The following ATP2B3 variants were observed in gnomAD, a reference collection of about 807,000 sequenced individuals.
ATP2B3 encodes the protein ATPase plasma membrane Ca2+ transporting 3.
ATP2B3 carries 12 observed loss-of-function variants against 70.8 expected under a neutral mutation model. That is an observed-to-expected ratio of 0.17 (90% confidence interval 0.11 to 0.27). ATP2B3 has a LOEUF of 0.27. ATP2B3 is among the 10% of genes least tolerant of loss of function. The pLI is 1.00. For synonymous variants in ATP2B3, 460 were observed against 497.8 expected, an observed-to-expected ratio of 0.92 and a Z score of 1.01; for missense variants, 858 against 1,118.5, an observed-to-expected ratio of 0.77 and a Z score of 3.32.
chrX:153,539,856 C>T (rs1393790097), intron 3 of ATP2B3, among the ~76,000 whole-genome samples: 1 of 112,971 alleles, frequency 8.9e-6, no homozygotes, highest in Non-Finnish European at 1.9e-5. Flanking sequence ...ATGCCAGTCA[C>T]GCACGTAAGC....
intron 2 of ATP2B3, among the ~76,000 whole-genome samples, chrX:153,535,105 G>A (rs1286992464): frequency 2.7e-5 from 3 of 112,950 alleles, no homozygotes; most frequent in Admixed American, 9.3e-5. Context: ...GGGAAGGAGC[G>A]GAGAGAGAGG....
At chrX:153,560,612 C>T (rs1557015823) in intron 18 of ATP2B3, 64 bp from the exon 19 acceptor site, 5 of 1,134,259 alleles carry the variant, frequency 4.4e-6, no homozygotes, top group Middle Eastern at 2.7e-4. Flanking sequence ...ACCGAAGTCT[C>T]GCTCCTGAGT....
At chrX:153,558,663 A>G (rs1430710686) in intron 17 of ATP2B3, among the ~76,000 whole-genome samples, 4 of 112,007 alleles carry the variant, frequency 3.6e-5, no homozygotes. Flanking sequence ...TTTCATTCCT[A>G]TGGGATCAAA....
chrX:153,553,227 C>T lies in ATP2B3; in HGVS notation c.2016C>T (p.Thr672=). Reference sequence around the variant, plus strand: ...AGAATGAGGTCGTGGGTGACCTCACCTGCATAGCTGTCGTGGGCATTGAGG... The same window carrying T: ...AGAATGAGGTCGTGGGTGACCTCACTTGCATAGCTGTCGTGGGCATTGAGG... ...DNENEVVGDL[T]CIAVVGIEDP... Residue 672 remains threonine, a synonymous_variant, in exon 13 of 22, where the codon ACC becomes ACT. Coordinates refer to ENST00000263519, the MANE Select transcript of ATP2B3 (RefSeq NM_001001344.3). 8.3e-7 allele frequency: 1 copy of T among 1,209,512 alleles called. No homozygotes were observed. The highest frequency in any genetic ancestry group is 1.1e-6 in the Non-Finnish European group (1 of 893,700).
At chrX:153,535,360 G>A (rs1426655692) in intron 2 of ATP2B3, among the ~76,000 whole-genome samples, 6 of 111,519 alleles carry the variant, frequency 5.4e-5, no homozygotes, top group Admixed American at 2.8e-4. Context: ...GGGCTGGGAC[G>A]TTGGCAGACT....
intron 2 of ATP2B3, among the ~76,000 whole-genome samples, chrX:153,520,396 C>T (rs1375388814): frequency 8.9e-6 from 1 of 112,397 alleles, no homozygotes; most frequent in Non-Finnish European, 1.9e-5. Context: ...ACCTCCTCCC[C>T]CACCTCACAG....
intron 21 of ATP2B3, among the ~76,000 whole-genome samples, chrX:153,566,012 T>C (rs375060378): frequency 9.8e-5 from 11 of 112,025 alleles, no homozygotes; most frequent in African/African-American, 2.9e-4. Flanking sequence ...GGCCCTTGAG[T>C]GCTGAAAATC....
intron 8 of ATP2B3, among the ~76,000 whole-genome samples, chrX:153,546,859 G>A (rs948184320): frequency 7.1e-5 from 8 of 112,884 alleles, no homozygotes; most frequent in Non-Finnish European, 1.3e-4. Flanking sequence ...GGGACAGCCC[G>A]ATGGCTGCAG....
chrX:153,560,695 C>T lies in ATP2B3; in HGVS notation c.2859C>T (p.Ile953=), dbSNP rs782726805. 8.3e-6 allele frequency: 10 copies of T among 1,210,226 alleles called. No individual in the cohort carries two copies. The highest frequency in any genetic ancestry group is 2.2e-5 in the Admixed American group (1 of 45,869). Residue 953 remains isoleucine, a synonymous_variant, in exon 19 of 22, where the codon ATC becomes ATT. Transcript: ENST00000263519. The stretch of plus-strand genomic sequence containing the variant: ...TTCCAGGGGAGCTCTTCTTCGACAT[C>T]GACAGCGGGAGGAATGCGCCCCTGC... The part of the protein sequence containing the change: ...LLFVGELFFD[I]DSGRNAPLHS...
At chrX:153,546,601 C>T (rs936733150) in intron 8 of ATP2B3, among the ~76,000 whole-genome samples, 4 of 113,286 alleles carry the variant, frequency 3.5e-5, no homozygotes, top group African/African-American at 1.3e-4. Context: ...GGACAGCTGG[C>T]AGGTGCCGAC....
At chrX:153,560,930 A>G in intron 19 of ATP2B3, 43 bp downstream of exon 19, 2 of 1,198,424 alleles carry the variant, frequency 1.7e-6, no homozygotes, top group Non-Finnish European at 2.3e-6. Context: ...CACTTGCAAA[A>G]AGTGGAGGTG....
intron 2 of ATP2B3, among the ~76,000 whole-genome samples, chrX:153,534,607 G>A (rs934743514): frequency 1.1e-4 from 12 of 112,741 alleles, no homozygotes; most frequent in African/African-American, 3.5e-4. Context: ...AGCACATCAA[G>A]CCAGTGCCAG....
At chrX:153,568,576 C>T (rs900609237) in intron 21 of ATP2B3, among the ~76,000 whole-genome samples, 2 of 111,908 alleles carry the variant, frequency 1.8e-5, no homozygotes, top group Non-Finnish European at 3.8e-5. Context: ...TCCTCACGGT[C>T]GCAGCAAGTG....
At chrX:153,571,309 G>A (rs2090786337) in intron 21 of ATP2B3, among the ~76,000 whole-genome samples, 1 of 112,381 alleles carries the variant, frequency 8.9e-6, no homozygotes, top group Non-Finnish European at 1.9e-5. Context: ...GCAGCAGGGG[G>A]CATGGCTGTG....
At position 153,536,897 on chromosome X, in the gene ATP2B3, C is replaced by T. The variant is rs187079770; in HGVS notation, c.208+442C>T. The stretch of plus-strand genomic sequence containing the variant: ...GCAAGCCTTCGGAGTTTCGGGTGAC[C>T]GGGGCCTCTCCTGGGAAGAGAGAGG... On this transcript the variant is annotated intron_variant, in intron 3 of 21. Transcript: ENST00000263519. Among the ~76,000 whole-genome samples the T allele has an allele frequency of 1.1e-4, 12 of 112,015 alleles. No homozygotes were observed. The East Asian group carries it at 2.8e-3, about 26-fold the overall frequency.
chrX:153,534,768 G>A (rs782004875), intron 2 of ATP2B3, among the ~76,000 whole-genome samples: 2 of 113,273 alleles, frequency 1.8e-5, no homozygotes, highest in African/African-American at 3.2e-5. Context: ...GCAATGTGTC[G>A]CGAGAGTAAA....
chrX:153,566,031 G>A (rs1415645539), intron 21 of ATP2B3, among the ~76,000 whole-genome samples: 1 of 112,328 alleles, frequency 8.9e-6, no homozygotes, highest in Non-Finnish European at 1.9e-5. Context: ...TCCTGGCCGG[G>A]GAGGAAGAAA....
At position 153,580,152 on chromosome X, in the gene ATP2B3, G is replaced by GCCCCCCCCCCCCC; in HGVS notation, c.3524_3525insCCCCCCCCCCCCC (p.Ser1178ProfsTer119). 4 of 1,207,719 alleles carry GCCCCCCCCCCCCC rather than the reference G, an allele frequency of 3.3e-6. No homozygotes were observed. The highest frequency in any genetic ancestry group is 3.5e-5 in the South Asian group (2 of 56,724). ...GGACGAGAACGAGGAGCGCCTCCGG[G>GCCCCCCCCCCCCC]CCCCCCCGCCCCCGTCCCCCAACCA... On this transcript the variant is annotated frameshift_variant, in exon 22 of 22. Coordinates refer to ENST00000263519, the MANE Select transcript of ATP2B3 (RefSeq NM_001001344.3). LOFTEE classifies it high-confidence loss of function.
At position 153,580,088 on chromosome X, in the gene ATP2B3, C is replaced by G. The variant is rs1434826955; in HGVS notation, c.3453C>G (p.Asp1151Glu). 2 of 1,212,244 alleles carry G rather than the reference C, an allele frequency of 1.6e-6. No individual in the cohort carries two copies. Among genetic ancestry groups the G allele is most frequent in the Non-Finnish European group, 2.2e-6 (2 of 895,588 alleles). Residue 1151 changes from aspartate (D) to glutamate (E), a missense_variant, in exon 22 of 22, where the codon GAC becomes GAG. Asp to Glu is a conservative substitution (Grantham distance 45). Coordinates refer to ENST00000263519, the MANE Select transcript of ATP2B3 (RefSeq NM_001001344.3). Reference sequence around the variant, plus strand: ...CCACGCCCGAGTTTCTGATCAATGACTACACCCACAACATCCCGCTCATTG... The same window carrying G: ...CCACGCCCGAGTTTCTGATCAATGAGTACACCCACAACATCCCGCTCATTG... Reference protein sequence around the residue: ...FMATPEFLINDYTHNIPLIDD... With the variant: ...FMATPEFLINEYTHNIPLIDD...
Sources: allele counts gnomAD v4.1 joint callset (sites outside exome capture counted in the v4.1 genomes callset), GRCh38; gene constraint gnomAD v4.1.1; transcripts MANE v1.5; gene names NCBI Gene and HGNC (gene_info 2026-07-23, HGNC 2026-07-21).